The following PLXDC2 variants were observed in gnomAD, a reference collection of about 807,000 sequenced individuals.
The protein encoded by PLXDC2 is plexin domain-containing protein 2.
PLXDC2 carries 40 observed loss-of-function variants against 68.9 expected under a neutral mutation model. The ratio of observed to expected loss-of-function variants is 0.58; its 90% CI spans 0.45 to 0.76. The LOEUF (loss-of-function observed/expected upper bound fraction) is 0.76. PLXDC2 is among the 30% of genes least tolerant of loss of function. PLXDC2 has a pLI of 0.00. For synonymous variants in PLXDC2, 243 were observed against 234.2 expected (o/e 1.04, Z -0.34); for missense variants, 644 against 661.9 (o/e 0.97, Z 0.30).
At chr10:20,130,988 A>G (rs1019750291) in intron 4 of PLXDC2, among the ~76,000 whole-genome samples, 3 of 152,156 alleles carry the variant, frequency 2.0e-5, no homozygotes, top group Admixed American at 1.3e-4. Context: ...AATGCTGGCC[A>G]TGAGAAAAGA....
chr10:19,877,242 G>C (rs551310514), intron 1 of PLXDC2, among the ~76,000 whole-genome samples: 148 of 151,314 alleles, frequency 9.8e-4, no homozygotes, highest in African/African-American at 3.6e-3. Context: ...AAGAGAGAGA[G>C]GGAGGGGAGA....
At chr10:20,047,080 T>C in intron 3 of PLXDC2, 65 bp downstream of exon 3, 1 of 1,441,572 alleles carries the variant, frequency 6.9e-7, no homozygotes. Context: ...TTAATTGGCC[T>C]ACAACCATTT....
intron 13 of PLXDC2, among the ~76,000 whole-genome samples, chr10:20,267,319 T>A (rs1203479394): frequency 2.6e-5 from 4 of 152,176 alleles, no homozygotes; most frequent in African/African-American, 9.6e-5. Flanking sequence ...CTCTTTCTTA[T>A]TTTATATATA....
intron 1 of PLXDC2, among the ~76,000 whole-genome samples, chr10:19,914,113 G>T (rs78592436): frequency 0.044 from 6,108 of 137,512 alleles, 163 homozygotes; most frequent in Middle Eastern, 0.14. Context: ...AAGGGAGGGA[G>T]GTAGGGAGGT....
intron 12 of PLXDC2, among the ~76,000 whole-genome samples, chr10:20,224,197 C>T (rs1356513842): frequency 5.3e-5 from 8 of 152,068 alleles, no homozygotes; most frequent in African/African-American, 1.9e-4. Context: ...TGATCTCAAA[C>T]TCTTGACCTC....
intron 2 of PLXDC2, among the ~76,000 whole-genome samples, chr10:20,011,475 C>T (rs1312770208): frequency 1.3e-5 from 2 of 152,178 alleles, no homozygotes; most frequent in East Asian, 1.9e-4. Context: ...CATCCACCAG[C>T]GCCTAGATTG....
intron 1 of PLXDC2, among the ~76,000 whole-genome samples, chr10:19,935,223 TCTC>T (rs1564632941): frequency 1.3e-5 from 2 of 152,156 alleles, no homozygotes; most frequent in Non-Finnish European, 2.9e-5. Flanking sequence ...AGACCAGTAG[TCTC>T]CTCAGATGCT....
intron 2 of PLXDC2, among the ~76,000 whole-genome samples, chr10:20,022,201 A>G (rs1333187956): frequency 1.3e-5 from 2 of 152,180 alleles, no homozygotes; most frequent in African/African-American, 4.8e-5. Flanking sequence ...AGGTTCCTAG[A>G]TTGTGTTCAT....
chr10:19,961,276 T>C (rs1356035342), intron 1 of PLXDC2, among the ~76,000 whole-genome samples: 1 of 152,210 alleles, frequency 6.6e-6, no homozygotes, highest in Non-Finnish European at 1.5e-5. Context: ...CCTGCATATA[T>C]CAACATGCAT....
intron 7 of PLXDC2, among the ~76,000 whole-genome samples, chr10:20,173,869 G>A (rs1487506833): frequency 6.6e-6 from 1 of 152,150 alleles, no homozygotes; most frequent in Non-Finnish European, 1.5e-5. Flanking sequence ...CCATTTGGAA[G>A]TTGTCGTTAA....
At chr10:19,931,006 G>A (rs921940405) in intron 1 of PLXDC2, among the ~76,000 whole-genome samples, 1 of 152,142 alleles carries the variant, frequency 6.6e-6, no homozygotes, top group Admixed American at 6.6e-5. Flanking sequence ...TGGAGAGAAA[G>A]AAAGATGGAA....
intron 12 of PLXDC2, among the ~76,000 whole-genome samples, chr10:20,241,216 TAA>T (rs1835511394): frequency 6.6e-6 from 1 of 152,230 alleles, no homozygotes; most frequent in South Asian, 2.1e-4. Flanking sequence ...TATTTATGTC[TAA>T]ATAAAGGTAG....
chr10:20,179,945 C>T (rs1834579042), intron 9 of PLXDC2, among the ~76,000 whole-genome samples: 1 of 152,032 alleles, frequency 6.6e-6, no homozygotes, highest in South Asian at 2.1e-4. Flanking sequence ...TTTTCAATAC[C>T]TGCTCTGTGT....
intron 1 of PLXDC2, among the ~76,000 whole-genome samples, chr10:20,001,433 T>C (rs1255871617): frequency 6.6e-6 from 1 of 152,216 alleles, no homozygotes; most frequent in African/African-American, 2.4e-5. Context: ...GATTCTAGCT[T>C]GCTTTCTCAG....
intron 4 of PLXDC2, among the ~76,000 whole-genome samples, chr10:20,101,488 G>A (rs1277818700): frequency 6.6e-6 from 1 of 152,044 alleles, no homozygotes; most frequent in East Asian, 1.9e-4. Flanking sequence ...TTCAAATCTT[G>A]AAAGCTGATT....
chr10:20,134,906 C>T (rs1433919456), intron 4 of PLXDC2, among the ~76,000 whole-genome samples: 1 of 152,184 alleles, frequency 6.6e-6, no homozygotes, highest in Non-Finnish European at 1.5e-5. Flanking sequence ...TACAGCGAAA[C>T]TTGGTGCTGC....
intron 1 of PLXDC2, among the ~76,000 whole-genome samples, chr10:19,880,563 C>T (rs779130190): frequency 4.8e-4 from 73 of 152,250 alleles, no homozygotes; most frequent in Non-Finnish European, 7.4e-4. Flanking sequence ...ATGTGGGTAA[C>T]TGAGACTTTG....
At chr10:20,147,364 G>A (rs1834093485) in intron 5 of PLXDC2, among the ~76,000 whole-genome samples, 1 of 152,184 alleles carries the variant, frequency 6.6e-6, no homozygotes, top group Admixed American at 6.5e-5. Flanking sequence ...ACATTTTCAG[G>A]TCTTTTGTAT....
chr10:20,211,302 G>A (rs1282246517), intron 9 of PLXDC2, among the ~76,000 whole-genome samples: 2 of 151,126 alleles, frequency 1.3e-5, no homozygotes, highest in East Asian at 1.9e-4. Flanking sequence ...TGCAAAAAAA[G>A]TGTGTATTTA....
Sources: gnomAD v4.1 joint callset for allele counts (sites outside exome capture counted in the v4.1 genomes callset) on GRCh38, gnomAD v4.1.1 for gene constraint, MANE v1.5 for transcripts, NCBI Gene and HGNC (gene_info 2026-07-23, HGNC 2026-07-21) for gene names.